Variants in PTCHD4 observed in about 807,000 individuals in gnomAD.
The protein encoded by PTCHD4 is patched domain-containing protein 4.
In PTCHD4, 33 loss-of-function variants were observed where a neutral mutation model predicts 58.1. That is an observed-to-expected ratio of 0.57 (90% CI 0.43 to 0.76). The LOEUF (loss-of-function observed/expected upper bound fraction) is 0.76. Ranked by LOEUF, PTCHD4 falls within the 30% of genes least tolerant of loss-of-function variation. PTCHD4 has a pLI of 0.00. For missense variants in PTCHD4, 1,058 were observed against 1,027.1 expected (o/e 1.03, Z -0.41); for synonymous variants, 478 against 409.6 (o/e 1.17, Z -2.02).
Position 47,860,587 on chromosome 6 carries a change from G to A in PTCHD4, c.*17716C>T, listed in dbSNP as rs1229064202. 1.3e-5 allele frequency among the ~76,000 whole-genome samples: 2 copies of A among 151,794 alleles called. No individual in the cohort carries two copies. The highest frequency in any genetic ancestry group is 2.9e-5 in the Non-Finnish European group (2 of 67,896). On this transcript the variant is annotated 3_prime_UTR_variant, in exon 5 of 5. Transcript: ENST00000339488. Reference sequence around the variant, plus strand: ...CAGCCTTCTTTCTTTCTTTACATTAGCACTACTGCCCATTCTTCACAATGT... The same window carrying A: ...CAGCCTTCTTTCTTTCTTTACATTAACACTACTGCCCATTCTTCACAATGT...
At chr6:48,076,346 CA>C (rs1196246112) in intron 1 of PTCHD4, among the ~76,000 whole-genome samples, 3 of 152,332 alleles carry the variant, frequency 2.0e-5, no homozygotes, top group Admixed American at 1.3e-4. Flanking sequence ...CAACTTCCTC[CA>C]AACTCCTATT....
At chr6:48,064,234 A>T (rs1301675241) in intron 3 of PTCHD4, among the ~76,000 whole-genome samples, 1 of 152,100 alleles carries the variant, frequency 6.6e-6, no homozygotes, top group Non-Finnish European at 1.5e-5. Context: ...TTAAATCTTT[A>T]CCTGTGTCTT....
At chr6:47,987,921 G>T (rs930885166) in intron 4 of PTCHD4, among the ~76,000 whole-genome samples, 4 of 152,006 alleles carry the variant, frequency 2.6e-5, no homozygotes, top group Non-Finnish European at 5.9e-5. Context: ...GACTATAGAT[G>T]TGCATCACCG....
intron 3 of PTCHD4, among the ~76,000 whole-genome samples, chr6:48,050,401 AT>A (rs1414297808): frequency 6.6e-6 from 1 of 151,990 alleles, no homozygotes; most frequent in African/African-American, 2.4e-5. Context: ...ACAACTTTAG[AT>A]ATATTATGGA....
intron 1 of PTCHD4, among the ~76,000 whole-genome samples, chr6:48,099,403 G>A (rs1157968847): frequency 6.6e-6 from 1 of 152,154 alleles, no homozygotes; most frequent in Admixed American, 6.5e-5. Context: ...AAATCTGCTT[G>A]CTTCTTTTGT....
At chr6:47,990,305 T>G (rs1166242774) in intron 4 of PTCHD4, among the ~76,000 whole-genome samples, 1 of 152,088 alleles carries the variant, frequency 6.6e-6, no homozygotes, top group Non-Finnish European at 1.5e-5. Flanking sequence ...GAGTTAAGAC[T>G]TTGGGGGACT....
At chr6:48,030,088 G>A (rs1001715852) in intron 3 of PTCHD4, among the ~76,000 whole-genome samples, 3 of 151,626 alleles carry the variant, frequency 2.0e-5, no homozygotes, top group African/African-American at 7.3e-5. Context: ...GATCCCTTAT[G>A]AATATTACCC....
At position 47,878,487 on chromosome 6, in the gene PTCHD4, T is replaced by C. The variant is rs947951271; in HGVS notation, c.2348A>G (p.Lys783Arg). ...VPSNLTFTLF[K>R]CLLLTGGCTL... ...GCAACCCCCAGTGAGCAGCAAGCAT[T>C]TGAACAGTGTGAAGGTCAGGTTCGA... Residue 783 changes from lysine to arginine, a missense_variant, in exon 5 of 5, where the codon AAA becomes AGA. Transcript: ENST00000339488. The C allele has an allele frequency of 5.0e-6, 8 of 1,613,352 alleles. No individual in the cohort carries two copies. The African/African-American group carries it at 6.7e-5, about 13-fold the overall frequency.
At position 48,031,080 on chromosome 6, in the gene PTCHD4, C is replaced by A. The variant is rs76293495; in HGVS notation, c.418-21966G>T. Among the ~76,000 whole-genome samples, 706 of 152,220 alleles carry A rather than the reference C, an allele frequency of 4.6e-3. 14 individuals are homozygous for A. The highest frequency in any genetic ancestry group is 0.016 in the African/African-American group (669 of 41,556). Reference sequence around the variant, plus strand: ...GGGAAACTTAAGTCAGGCTCCTGAACCTTCTCCTAGGCTAATCTGTGCACT... The same window carrying A: ...GGGAAACTTAAGTCAGGCTCCTGAAACTTCTCCTAGGCTAATCTGTGCACT... On this transcript the variant is annotated intron_variant, in intron 3 of 4. Transcript: ENST00000339488.
At chr6:48,021,314 C>T (rs1763062055) in intron 3 of PTCHD4, among the ~76,000 whole-genome samples, 1 of 151,978 alleles carries the variant, frequency 6.6e-6, no homozygotes, top group African/African-American at 2.4e-5. Flanking sequence ...GGGAAAAGTG[C>T]TAACACACAC....
At chr6:48,077,902 A>C (rs1311248970) in intron 1 of PTCHD4, among the ~76,000 whole-genome samples, 6 of 152,202 alleles carry the variant, frequency 3.9e-5, no homozygotes, top group Non-Finnish European at 8.8e-5. Flanking sequence ...CACTGATCAC[A>C]GATCATCTTA....
intron 4 of PTCHD4, among the ~76,000 whole-genome samples, chr6:48,008,103 G>A (rs1762526023): frequency 6.6e-6 from 1 of 152,164 alleles, no homozygotes; most frequent in Non-Finnish European, 1.5e-5. Flanking sequence ...CTAAGTGGCA[G>A]CAGGAAGGTT....
At chr6:48,052,005 A>G (rs1396626458) in intron 3 of PTCHD4, among the ~76,000 whole-genome samples, 2 of 152,022 alleles carry the variant, frequency 1.3e-5, no homozygotes, top group African/African-American at 4.8e-5. Context: ...GGTTTCTGAA[A>G]AAGAAAGCCT....
At position 47,871,654 on chromosome 6, in the gene PTCHD4, A is replaced by G. The variant is rs1053823196; in HGVS notation, c.*6649T>C. ...TGATAAAGTGAATGAGCATCAAGGAAAGGTGATAAATAATATTGCTTTGTG... is the reference window on the plus strand; with the variant it reads ...TGATAAAGTGAATGAGCATCAAGGAGAGGTGATAAATAATATTGCTTTGTG... On this transcript the variant is annotated 3_prime_UTR_variant, in exon 5 of 5. Coordinates refer to ENST00000339488, the MANE Select transcript of PTCHD4 (RefSeq NM_001384253.1). 1.3e-5 allele frequency among the ~76,000 whole-genome samples: 2 copies of G among 151,700 alleles called. No individual in the cohort carries two copies. Among genetic ancestry groups the G allele is most frequent in the East Asian group, 3.9e-4 (2 of 5,156 alleles).
intron 4 of PTCHD4, among the ~76,000 whole-genome samples, chr6:47,995,656 T>C (rs1768459625): frequency 6.6e-6 from 1 of 152,188 alleles, no homozygotes; most frequent in African/African-American, 2.4e-5. Flanking sequence ...TTACAGATAA[T>C]TCTGTCATTG....
intron 4 of PTCHD4, among the ~76,000 whole-genome samples, chr6:47,958,452 A>G (rs1011908982): frequency 2.0e-5 from 3 of 152,184 alleles, no homozygotes; most frequent in Non-Finnish European, 4.4e-5. Context: ...GATCCCTGAG[A>G]ACGGGAAACA....
chr6:47,858,553 C>G lies in PTCHD4; in HGVS notation c.*19750G>C, dbSNP rs373243765. Among the ~76,000 whole-genome samples, 6 of 152,030 alleles carry G rather than the reference C, an allele frequency of 3.9e-5. No homozygotes were observed. Among genetic ancestry groups the G allele is most frequent in the East Asian group, 3.9e-4 (2 of 5,152 alleles). ...GGTATAATTAATAAAGCATTTTTTA[C>G]CACAGATAATGGAATGCTACTTGAC... On this transcript the variant is annotated 3_prime_UTR_variant, in exon 5 of 5. Transcript: ENST00000339488.
At chr6:48,066,466 A>G (rs1408892319) in intron 3 of PTCHD4, among the ~76,000 whole-genome samples, 3 of 152,348 alleles carry the variant, frequency 2.0e-5, no homozygotes, top group South Asian at 2.1e-4. Flanking sequence ...TTTATATATG[A>G]CAAAGTTTCA....
intron 3 of PTCHD4, among the ~76,000 whole-genome samples, chr6:48,031,080 C>T: frequency 6.6e-6 from 1 of 152,224 alleles, no homozygotes; most frequent in African/African-American, 2.4e-5. Flanking sequence ...GGCTCCTGAA[C>T]CTTCTCCTAG....
Sources: gnomAD v4.1 joint callset for allele counts (sites outside exome capture counted in the v4.1 genomes callset) on GRCh38, gnomAD v4.1.1 for gene constraint, MANE v1.5 for transcripts, NCBI Gene and HGNC (gene_info 2026-07-23, HGNC 2026-07-21) for gene names.